Variants in PRKCZ observed in about 807,000 individuals in gnomAD.
PRKCZ encodes the protein protein kinase C zeta.
Under a neutral mutation model 79.5 loss-of-function variants are expected in PRKCZ, and 33 were observed. That is an observed-to-expected ratio of 0.41 (90% CI 0.31 to 0.55). PRKCZ has a LOEUF of 0.55. Ranked by LOEUF, PRKCZ falls within the 20% of genes least tolerant of loss-of-function variation. The pLI is 0.19. For synonymous variants in PRKCZ, 342 were observed against 320.9 expected, an observed-to-expected ratio of 1.07 and a Z score of -0.70; for missense variants, 578 against 813.5, an observed-to-expected ratio of 0.71 and a Z score of 3.52.
intron 6 of PRKCZ, chr1:2,144,794 G>A (rs978275224): frequency 2.6e-5 from 7 of 264,748 alleles, no homozygotes; most frequent in Non-Finnish European, 3.0e-5. Context: ...CCTTCCCTCC[G>A]CCATCCCCGA....
chr1:2,061,691 T>TG (rs1660691321), intron 4 of PRKCZ, among the ~76,000 whole-genome samples: 2 of 152,154 alleles, frequency 1.3e-5, no homozygotes, highest in South Asian at 4.1e-4. Context: ...CCCTGCCCTG[T>TG]GTGCTGATGT....
chr1:2,068,926 G>A (rs770101798), intron 4 of PRKCZ, among the ~76,000 whole-genome samples: 4 of 152,148 alleles, frequency 2.6e-5, no homozygotes, highest in Non-Finnish European at 5.9e-5. Context: ...TGAGACTGAC[G>A]CCCCTTTCGG....
At chr1:2,085,000 C>A (rs1168603307) in intron 4 of PRKCZ, among the ~76,000 whole-genome samples, 3 of 149,310 alleles carry the variant, frequency 2.0e-5, no homozygotes, top group Non-Finnish European at 4.5e-5. Flanking sequence ...CAGAGTGAGA[C>A]CCTCTTAAAA....
chr1:2,138,585 T>C (rs1178803902), intron 5 of PRKCZ, among the ~76,000 whole-genome samples: 1 of 151,912 alleles, frequency 6.6e-6, no homozygotes, highest in Non-Finnish European at 1.5e-5. Flanking sequence ...GTGAGGTGGG[T>C]AGGAATCCAG....
At chr1:2,057,327 G>T (rs763312553) in intron 3 of PRKCZ, among the ~76,000 whole-genome samples, 2 of 152,224 alleles carry the variant, frequency 1.3e-5, no homozygotes, top group Non-Finnish European at 2.9e-5. Flanking sequence ...GGTCTGCAGG[G>T]CGTCTGGGGC....
chr1:2,104,248 G>A (rs1256993319), intron 4 of PRKCZ, among the ~76,000 whole-genome samples: 1 of 152,106 alleles, frequency 6.6e-6, no homozygotes, highest in Non-Finnish European at 1.5e-5. Flanking sequence ...AGGGGAGCGG[G>A]TCGTCTCAAA....
At chr1:2,092,003 G>A (rs1333094192) in intron 4 of PRKCZ, among the ~76,000 whole-genome samples, 2 of 151,668 alleles carry the variant, frequency 1.3e-5, no homozygotes, top group Non-Finnish European at 2.9e-5. Flanking sequence ...GACAGTGCTT[G>A]GTACTTGCAA....
rs1446553652 is a variant in PRKCZ, at chr1:2,082,806, G to A, written c.334+23215G>A. On this transcript the variant is annotated intron_variant, in intron 4 of 17. Transcript: ENST00000378567. The surrounding 1 kb of genome is among the most constrained non-coding windows in gnomAD (Gnocchi z 4.4). ...CTGTCCTCCTTCACAGGGGCACTCCGGATGTAGTAGCAGGGAGAGGGTGGA... is the reference window on the plus strand; with the variant it reads ...CTGTCCTCCTTCACAGGGGCACTCCAGATGTAGTAGCAGGGAGAGGGTGGA... 6.6e-6 allele frequency among the ~76,000 whole-genome samples: 1 copy of A among 151,002 alleles called. No homozygotes were observed. Among genetic ancestry groups the A allele is most frequent in the Non-Finnish European group, 1.5e-5 (1 of 67,780 alleles).
chr1:2,183,175 G>A (rs1438243248), intron 16 of PRKCZ, among the ~76,000 whole-genome samples: 7 of 152,198 alleles, frequency 4.6e-5, no homozygotes, highest in Admixed American at 3.3e-4. Context: ...AGCTTGCAGT[G>A]AGCCGAGATC....
rs954095111 is a variant in PRKCZ at position 2,173,289 on chromosome 1, T to C, written c.1286-608T>C. ...AGCCAGAGAAGGACAGACAGCAGAT[T>C]GGAGGACTGGAATATAGTCTAGAAC... is the stretch of plus-strand genomic sequence containing the variant. On this transcript the variant is annotated intron_variant, in intron 13 of 17. Transcript: ENST00000378567. The surrounding 1 kb of genome is among the most constrained non-coding windows in gnomAD (Gnocchi z 5.7). Among the ~76,000 whole-genome samples the C allele has an allele frequency of 6.6e-6, 1 of 152,028 alleles. No homozygotes were observed. Among genetic ancestry groups the C allele is most frequent in the Non-Finnish European group, 1.5e-5 (1 of 68,002 alleles).
At chr1:2,081,947 A>C (rs957242596) in intron 4 of PRKCZ, among the ~76,000 whole-genome samples, 5 of 152,228 alleles carry the variant, frequency 3.3e-5, no homozygotes, top group African/African-American at 9.6e-5. Context: ...CCTCTTGCCC[A>C]TTTGTCCCCT....
chr1:2,112,343 C>G (rs3107140), intron 4 of PRKCZ, among the ~76,000 whole-genome samples: 2 of 152,126 alleles, frequency 1.3e-5, no homozygotes, highest in Non-Finnish European at 2.9e-5. Flanking sequence ...ACCTTCTGTC[C>G]GAAGCAGCCG....
chr1:2,087,680 C>G (rs1007568417), intron 4 of PRKCZ, among the ~76,000 whole-genome samples: 2 of 152,058 alleles, frequency 1.3e-5, no homozygotes, highest in Admixed American at 6.5e-5. Flanking sequence ...AGCAGAAAGA[C>G]GTGAAGAGAG....
intron 1 of PRKCZ, among the ~76,000 whole-genome samples, chr1:2,053,095 C>G (rs1339523471): frequency 6.6e-6 from 1 of 151,168 alleles, no homozygotes; most frequent in Non-Finnish European, 1.5e-5. Context: ...GGTGCTGGCT[C>G]TTCCCTCTTT....
chr1:2,180,550 T>C (rs554798668), intron 16 of PRKCZ, among the ~76,000 whole-genome samples: 5 of 147,978 alleles, frequency 3.4e-5, no homozygotes, highest in Admixed American at 2.7e-4. Context: ...ACGACGTGGA[T>C]GCATGGACGA....
rs1393817516 is a variant in PRKCZ at position 2,177,680 on chromosome 1, C to T, written c.1575+2367C>T. 6.6e-6 allele frequency among the ~76,000 whole-genome samples: 1 copy of T among 152,210 alleles called. No homozygotes were observed. Among genetic ancestry groups the T allele is most frequent in the South Asian group, 2.1e-4 (1 of 4,830 alleles). Reference sequence around the variant, plus strand: ...CCCTGCAGCGAGCACGCCAGGTGATCTCTGGCACACACTTGCCGCGGGCTG... The same window carrying T: ...CCCTGCAGCGAGCACGCCAGGTGATTTCTGGCACACACTTGCCGCGGGCTG... On this transcript the variant is annotated intron_variant, in intron 16 of 17. Transcript: ENST00000378567. This position sits in a 1 kb window ranked among gnomAD's most constrained non-coding sequence, Gnocchi z 6.4.
chr1:2,133,517 C>T (rs1337272076), intron 4 of PRKCZ: 1 of 144,898 alleles, frequency 6.9e-6, no homozygotes, highest in Non-Finnish European at 1.5e-5. Context: ...TGTGCGCCCG[C>T]CCCTTGGTTC....
intron 4 of PRKCZ, among the ~76,000 whole-genome samples, chr1:2,068,113 G>A (rs1469889849): frequency 6.6e-6 from 1 of 152,246 alleles, no homozygotes; most frequent in Non-Finnish European, 1.5e-5. Context: ...GGGCAGCAGC[G>A]AGAGCAAGGC....
At chr1:2,099,378 C>A (rs961459098) in intron 4 of PRKCZ, among the ~76,000 whole-genome samples, 1 of 152,186 alleles carries the variant, frequency 6.6e-6, no homozygotes, top group Non-Finnish European at 1.5e-5. Context: ...AGGCACAATC[C>A]GGAACCGCCC....
Sources: allele counts gnomAD v4.1 joint callset (sites outside exome capture counted in the v4.1 genomes callset), GRCh38; gene constraint gnomAD v4.1.1; non-coding constraint Gnocchi (gnomAD v3.1); transcripts MANE v1.5; gene names NCBI Gene and HGNC (gene_info 2026-07-23, HGNC 2026-07-21).